DAB1: variants seen among roughly 807,000 people sequenced by gnomAD.
DAB1 encodes DAB adaptor protein 1, also known as disabled homolog 1.
A neutral mutation model predicts 64.6 loss-of-function variants in DAB1; 15 were observed. The ratio of observed to expected loss-of-function variants is 0.23; its 90% CI spans 0.16 to 0.36. DAB1 has a LOEUF of 0.36. Among genes scored for constraint, DAB1 ranks in the 10% least tolerant of loss-of-function variants. The pLI is 1.00. For synonymous variants in DAB1, 235 were observed against 251.9 expected, an observed-to-expected ratio of 0.93 and a Z score of 0.64; for missense variants, 596 against 706.7, an observed-to-expected ratio of 0.84 and a Z score of 1.78.
At chr1:57,946,687 C>T (rs979868323) in intron 5 of DAB1, among the ~76,000 whole-genome samples, 6 of 152,196 alleles carry the variant, frequency 3.9e-5, no homozygotes, top group African/African-American at 1.4e-4. Context: ...ACAAAGCCAC[C>T]TGTCTCAGGA....
At chr1:57,883,888 G>A (rs1183934309) in intron 1 of DAB1, 3 of 152,212 alleles carry the variant, frequency 2.0e-5, no homozygotes, top group Non-Finnish European at 4.4e-5. Context: ...GAAAGGAAGA[G>A]TATTGGAGCC....
chr1:57,655,475 C>T (rs1038790976), intron 6 of DAB1, among the ~76,000 whole-genome samples: 10 of 152,174 alleles, frequency 6.6e-5, no homozygotes, highest in Admixed American at 2.6e-4. Flanking sequence ...CTTCCATCCA[C>T]CCATACATCA....
intron 6 of DAB1, among the ~76,000 whole-genome samples, chr1:57,663,927 T>C (rs1646416807): frequency 6.6e-6 from 1 of 152,168 alleles, no homozygotes; most frequent in Non-Finnish European, 1.5e-5. Context: ...GTTGATAGAA[T>C]AGCATGTGTA....
At chr1:58,436,772 G>A (rs559217378) in intron 3 of DAB1, among the ~76,000 whole-genome samples, 23 of 152,286 alleles carry the variant, frequency 1.5e-4, no homozygotes, top group African/African-American at 5.5e-4. Context: ...ATTACTTCTT[G>A]GTTGTAGAGT....
chr1:57,630,355 A>G (rs1407208045), intron 7 of DAB1, among the ~76,000 whole-genome samples: 1 of 152,180 alleles, frequency 6.6e-6, no homozygotes, highest in South Asian at 2.1e-4. Context: ...AAGAAATGTT[A>G]TAACTTGCTG....
At chr1:58,167,503 A>G (rs1227438849) in intron 4 of DAB1, among the ~76,000 whole-genome samples, 1 of 152,224 alleles carries the variant, frequency 6.6e-6, no homozygotes, top group African/African-American at 2.4e-5. Context: ...TGTAAAATGG[A>G]TCAATCAGCA....
chr1:58,480,828 G>T lies in DAB1; in HGVS notation n.257+25232C>A, dbSNP rs532407233. ...GAAAAATAAATTCTAGAAGAATTTAGATAATATCTGTAATGTACATGATTT... is the reference window on the plus strand; with the variant it reads ...GAAAAATAAATTCTAGAAGAATTTATATAATATCTGTAATGTACATGATTT... On this transcript the variant is annotated intron_variant and non_coding_transcript_variant, in intron 3 of 20. Transcript: ENST00000485760. 428 of 542,038 alleles carry T rather than the reference G, an allele frequency of 7.9e-4. 1 individual carries two copies. Among genetic ancestry groups the T allele is most frequent in the Non-Finnish European group, 1.1e-3 (359 of 324,088 alleles). 33.6% of individuals were successfully genotyped at this position (542,038 alleles called of 1,614,324 possible).
chr1:58,004,960 A>G (rs1646559902), intron 5 of DAB1, among the ~76,000 whole-genome samples: 1 of 152,166 alleles, frequency 6.6e-6, no homozygotes, highest in South Asian at 2.1e-4. Context: ...TAAAATTTAT[A>G]TTAAAACCTC....
chr1:58,138,351 T>C (rs1654065729), intron 5 of DAB1, among the ~76,000 whole-genome samples: 1 of 152,080 alleles, frequency 6.6e-6, no homozygotes, highest in Admixed American at 6.6e-5. Flanking sequence ...CAGTTTGCAC[T>C]CCAAAAGTGG....
intron 5 of DAB1, among the ~76,000 whole-genome samples, chr1:58,011,890 T>A (rs1466454801): frequency 6.6e-6 from 1 of 152,074 alleles, no homozygotes; most frequent in Non-Finnish European, 1.5e-5. Flanking sequence ...AGGGTTTTGC[T>A]ATGTTGGCTA....
At chr1:57,633,298 G>T (rs1181975009) in intron 7 of DAB1, among the ~76,000 whole-genome samples, 1 of 152,226 alleles carries the variant, frequency 6.6e-6, no homozygotes, top group Non-Finnish European at 1.5e-5. Flanking sequence ...AACCAGAAGG[G>T]CTTGTGAAAA....
At chr1:57,901,475 A>G (rs184159408) in intron 5 of DAB1, among the ~76,000 whole-genome samples, 1 of 152,180 alleles carries the variant, frequency 6.6e-6, no homozygotes, top group East Asian at 1.9e-4. Context: ...AACTCTCACA[A>G]TTACAATTTC....
chr1:57,309,160 C>T (rs1173980044), intron 1 of DAB1, among the ~76,000 whole-genome samples: 2 of 152,246 alleles, frequency 1.3e-5, no homozygotes, highest in South Asian at 4.1e-4. Flanking sequence ...ATTGGATACC[C>T]CTGGCCTAGA....
intron 4 of DAB1, among the ~76,000 whole-genome samples, chr1:57,075,665 A>C (rs3754262): frequency 0.43 from 65,197 of 152,074 alleles, 14,220 homozygotes; most frequent in Admixed American, 0.52. Flanking sequence ...TTCAAGTAGA[A>C]TTTATCAGCA....
chr1:57,611,124 G>C (rs1645720406), intron 7 of DAB1, among the ~76,000 whole-genome samples: 1 of 141,200 alleles, frequency 7.1e-6, no homozygotes, highest in Non-Finnish European at 1.5e-5. Flanking sequence ...TTGGCGTGCA[G>C]TGGCTTTTTT....
chr1:57,364,250 T>C (rs75677667), intron 1 of DAB1, among the ~76,000 whole-genome samples: 12,545 of 152,192 alleles, frequency 0.082, 579 homozygotes, highest in Middle Eastern at 0.12. Context: ...ATCTCAACAC[T>C]AAATGCAAGC....
chr1:57,893,980 C>T (rs1194969800), intron 5 of DAB1, among the ~76,000 whole-genome samples: 5 of 152,080 alleles, frequency 3.3e-5, no homozygotes, highest in African/African-American at 1.2e-4. Flanking sequence ...GGAAGAACGC[C>T]TCAACTGAGC....
At chr1:57,168,423 T>C (rs1661409002) in intron 2 of DAB1, among the ~76,000 whole-genome samples, 1 of 152,134 alleles carries the variant, frequency 6.6e-6, no homozygotes, top group South Asian at 2.1e-4. Context: ...ACTCCCATTT[T>C]CCCCTGCAAA....
At chr1:57,092,645 G>T (rs10430117) in intron 4 of DAB1, among the ~76,000 whole-genome samples, 41,311 of 138,930 alleles carry the variant, frequency 0.3, 6,245 homozygotes, top group East Asian at 0.55. Flanking sequence ...AGCAGTGTGA[G>T]AACGAACAAA....
Sources: gnomAD v4.1 joint callset for allele counts (sites outside exome capture counted in the v4.1 genomes callset) on GRCh38, gnomAD v4.1.1 for gene constraint, MANE v1.5 for transcripts, NCBI Gene and HGNC (gene_info 2026-07-23, HGNC 2026-07-21) for gene names.